ADGRB3: variants seen among roughly 807,000 people sequenced by gnomAD.
The protein encoded by ADGRB3 is brain-specific angiogenesis inhibitor 3.
A neutral mutation model predicts 193.4 loss-of-function variants in ADGRB3; 37 were observed. The observed-to-expected ratio is 0.19, with a 90% CI of 0.15 to 0.25. The LOEUF (loss-of-function observed/expected upper bound fraction) is 0.25, where lower values mean the gene tolerates loss of function less well. Among genes scored for constraint, ADGRB3 ranks in the 10% least tolerant of loss-of-function variants. The probability of loss-of-function intolerance (pLI) is 1.00; values close to 1 mark genes in which losing one functional copy is unlikely to be tolerated. For synonymous variants in ADGRB3, 690 were observed against 644.2 expected (o/e 1.07, Z -1.08); for missense variants, 1,637 against 1,852.9 (o/e 0.88, Z 2.14).
At chr6:69,152,793 C>G (rs1375378425) in intron 17 of ADGRB3, among the ~76,000 whole-genome samples, 1 of 151,894 alleles carries the variant, frequency 6.6e-6, no homozygotes, top group Non-Finnish European at 1.5e-5. Context: ...GTTGAATGTC[C>G]AAAAAGCAGA....
intron 17 of ADGRB3, among the ~76,000 whole-genome samples, chr6:69,189,132 A>G (rs530679182): frequency 3.0e-4 from 45 of 152,232 alleles, no homozygotes; most frequent in Non-Finnish European, 6.0e-4. Flanking sequence ...CTTAGAAATG[A>G]AAACGAAACT....
chr6:69,238,074 T>G (rs1766307576), intron 19 of ADGRB3, among the ~76,000 whole-genome samples: 1 of 152,030 alleles, frequency 6.6e-6, no homozygotes, highest in African/African-American at 2.4e-5. Flanking sequence ...GGGTTCTACC[T>G]TGATTGTCCT....
At chr6:69,120,564 T>C (rs556799170) in intron 17 of ADGRB3, among the ~76,000 whole-genome samples, 5 of 152,238 alleles carry the variant, frequency 3.3e-5, no homozygotes, top group Non-Finnish European at 7.3e-5. Flanking sequence ...GTAGTGGTAC[T>C]GATGTCAATA....
chr6:69,273,188 A>C (rs1767218465), intron 20 of ADGRB3, among the ~76,000 whole-genome samples: 1 of 152,198 alleles, frequency 6.6e-6, no homozygotes, highest in African/African-American at 2.4e-5. Flanking sequence ...GGTGTGAGCC[A>C]CTGCGCCTGG....
At position 68,930,596 on chromosome 6, in the gene ADGRB3, G is replaced by A. The variant is rs1767310698; in HGVS notation, c.795G>A (p.Gln265=). 6.2e-7 allele frequency: 1 copy of A among 1,612,566 alleles called. No individual in the cohort carries two copies. Among genetic ancestry groups the A allele is most frequent in the Non-Finnish European group, 8.5e-7 (1 of 1,179,256 alleles). The change falls in exon 4 of 32, where the codon CAG becomes CAA. Residue 265 remains glutamine, a synonymous_variant. Coordinates refer to ENST00000370598, the MANE Select transcript of ADGRB3 (RefSeq NM_001704.3). ...TGGGAGATCATACAATTAAAAGTCA[G>A]CGACCTCGATCTGTTCATGAAAAAA... is the stretch of plus-strand genomic sequence containing the variant. ...GMMGDHTIKS[Q]RPRSVHEKRV... is the part of the protein sequence containing the mutation.
intron 16 of ADGRB3, 42 bp downstream of exon 16, chr6:69,063,078 C>T (rs915407192): frequency 7.0e-7 from 1 of 1,424,472 alleles, no homozygotes; most frequent in African/African-American, 1.4e-5. Flanking sequence ...TATGGAATTA[C>T]CTTTCTAACA....
intron 20 of ADGRB3, among the ~76,000 whole-genome samples, chr6:69,284,058 C>T (rs745466332): frequency 3.3e-5 from 5 of 152,104 alleles, no homozygotes; most frequent in South Asian, 2.1e-4. Flanking sequence ...CCCAAAATTA[C>T]GTTTGCTACT....
intron 17 of ADGRB3, among the ~76,000 whole-genome samples, chr6:69,181,945 CAAT>C (rs1277822790): frequency 6.6e-6 from 1 of 152,092 alleles, no homozygotes; most frequent in Non-Finnish European, 1.5e-5. Flanking sequence ...AGAAGATACT[CAAT>C]AAACAAGTAA....
chr6:69,261,968 A>G (rs1369700127), intron 20 of ADGRB3, among the ~76,000 whole-genome samples: 3 of 152,080 alleles, frequency 2.0e-5, no homozygotes, highest in Non-Finnish European at 4.4e-5. Flanking sequence ...ACAGGTTACA[A>G]GCATAATCAA....
At chr6:69,355,269 A>T (rs1337028458) in intron 27 of ADGRB3, among the ~76,000 whole-genome samples, 1 of 152,192 alleles carries the variant, frequency 6.6e-6, no homozygotes, top group East Asian at 1.9e-4. Context: ...TCTCGACCAG[A>T]TGAGTATGGT....
At chr6:68,794,667 T>C (rs1767172632) in intron 3 of ADGRB3, among the ~76,000 whole-genome samples, 1 of 152,170 alleles carries the variant, frequency 6.6e-6, no homozygotes, top group Admixed American at 6.5e-5. Flanking sequence ...CTATTTTAGT[T>C]GCTTTATTCC....
chr6:68,696,425 A>T (rs117208267), intron 3 of ADGRB3, among the ~76,000 whole-genome samples: 3,344 of 151,640 alleles, frequency 0.022, 66 homozygotes, highest in South Asian at 0.069. Context: ...TTTCTTCTAA[A>T]AATTAAAAAA....
intron 3 of ADGRB3, among the ~76,000 whole-genome samples, chr6:68,860,002 T>C (rs1350618793): frequency 6.6e-6 from 1 of 152,184 alleles, no homozygotes; most frequent in Non-Finnish European, 1.5e-5. Context: ...ATAGGTATTT[T>C]ATGAAAAATA....
chr6:68,721,489 G>A (rs897084157), intron 3 of ADGRB3, among the ~76,000 whole-genome samples: 1 of 151,346 alleles, frequency 6.6e-6, no homozygotes, highest in Non-Finnish European at 1.5e-5. Flanking sequence ...GGTGGGGGCA[G>A]GGGGGAGGGA....
Position 68,774,537 on chromosome 6 carries a change from C to T in ADGRB3, c.757+135105C>T, listed in dbSNP as rs915601005. Among the ~76,000 whole-genome samples, 17 of 151,868 alleles carry T rather than the reference C, an allele frequency of 1.1e-4. No individual in the cohort carries two copies. In the South Asian group the frequency reaches 1.9e-3, roughly 17 times the overall value. On this transcript the variant is annotated intron_variant, in intron 3 of 31. Transcript: ENST00000370598. ...CCTCAGTTTTGCTTTTGTAATTACA[C>T]ATATTTTCAGGTACTTTTTATTACA...
chr6:68,767,309 G>A (rs531075666), intron 3 of ADGRB3, among the ~76,000 whole-genome samples: 2 of 152,140 alleles, frequency 1.3e-5, no homozygotes, highest in East Asian at 1.9e-4. Context: ...CTGGCAAGCC[G>A]AATCCAGCAG....
chr6:69,144,876 G>GTTCGTTCT, intron 17 of ADGRB3, among the ~76,000 whole-genome samples: 1 of 139,442 alleles, frequency 7.2e-6, no homozygotes, highest in South Asian at 2.4e-4. Context: ...TTGTTTGAGT[G>GTTCGTTCT]TTCTTTCTTT....
intron 3 of ADGRB3, among the ~76,000 whole-genome samples, chr6:68,872,661 C>G (rs1765493089): frequency 6.6e-6 from 1 of 152,098 alleles, no homozygotes; most frequent in Non-Finnish European, 1.5e-5. Flanking sequence ...TTTCTTTTAT[C>G]TCATTTGAAT....
intron 3 of ADGRB3, among the ~76,000 whole-genome samples, chr6:68,923,025 A>G (rs1446766863): frequency 1.3e-5 from 2 of 152,128 alleles, no homozygotes; most frequent in Non-Finnish European, 2.9e-5. Context: ...AGGTTAAGGG[A>G]ATAGTTAAGA....
Sources: allele counts gnomAD v4.1 joint callset (sites outside exome capture counted in the v4.1 genomes callset), GRCh38; gene constraint gnomAD v4.1.1; transcripts MANE v1.5; gene names NCBI Gene and HGNC (gene_info 2026-07-23, HGNC 2026-07-21).